The following EYA2 variants were observed in gnomAD, a reference collection of about 807,000 sequenced individuals.
EYA2 encodes the protein EYA transcriptional coactivator and phosphatase 2.
In EYA2, 31 loss-of-function variants were observed where a neutral mutation model predicts 69.2. The ratio of observed to expected loss-of-function variants is 0.45; its 90% CI spans 0.34 to 0.60. The LOEUF (loss-of-function observed/expected upper bound fraction) is 0.60. Among genes scored for constraint, EYA2 ranks in the 20% least tolerant of loss-of-function variants. The pLI is 0.02. For missense variants in EYA2, 622 were observed against 701.2 expected, an observed-to-expected ratio of 0.89 and a Z score of 1.28; for synonymous variants, 257 against 279.4, an observed-to-expected ratio of 0.92 and a Z score of 0.80.
chr20:47,165,984 A>T (rs3092005), intron 10 of EYA2, among the ~76,000 whole-genome samples: 1 of 151,808 alleles, frequency 6.6e-6, no homozygotes, highest in African/African-American at 2.4e-5. Flanking sequence ...GAGCCCAGAA[A>T]TTCAAGACCA....
Position 47,065,273 on chromosome 20 carries a change from A to G in EYA2, c.416-6912A>G, listed in dbSNP as rs73309612. ...GCCACCTCCAGGCACCATATTACCC[A>G]GTGCTTCTCATTCTCACTGTCATGA... On this transcript the variant is annotated intron_variant, in intron 5 of 15. Coordinates refer to ENST00000327619, the MANE Select transcript of EYA2 (RefSeq NM_005244.5). Among the ~76,000 whole-genome samples, 978 of 152,310 alleles carry G rather than the reference A, an allele frequency of 6.4e-3. 12 individuals are homozygous for G. Among genetic ancestry groups the G allele is most frequent in the African/African-American group, 0.022 (897 of 41,558 alleles).
intron 8 of EYA2, among the ~76,000 whole-genome samples, chr20:47,095,420 A>C (rs2032219410): frequency 6.6e-6 from 1 of 152,100 alleles, no homozygotes; most frequent in Non-Finnish European, 1.5e-5. Flanking sequence ...AAAATTATTA[A>C]AAGAAATAAG....
At chr20:47,163,431 G>A (rs2034111956) in intron 10 of EYA2, among the ~76,000 whole-genome samples, 1 of 152,122 alleles carries the variant, frequency 6.6e-6, no homozygotes, top group Admixed American at 6.6e-5. Context: ...TTGGGACGTG[G>A]CTCACGCCTG....
At chr20:47,063,392 CGTGTGTGTGTGTGTGTGTGT>C (rs35187186) in intron 5 of EYA2, among the ~76,000 whole-genome samples, 1 of 143,372 alleles carries the variant, frequency 7.0e-6, no homozygotes, top group Non-Finnish European at 1.5e-5. Flanking sequence ...TGTGCGTGTG[CGTGTGTGTGTGTGTGTGTGT>C]GTGTGTGTGT....
chr20:47,058,014 G>A (rs2030715902), intron 5 of EYA2, among the ~76,000 whole-genome samples: 1 of 152,224 alleles, frequency 6.6e-6, no homozygotes, highest in African/African-American at 2.4e-5. Flanking sequence ...AATAAATGGA[G>A]GCTATTATTA....
At chr20:47,143,180 C>T (rs1312530063) in intron 10 of EYA2, 32 bp downstream of exon 10, 3 of 1,567,216 alleles carry the variant, frequency 1.9e-6, no homozygotes, top group African/African-American at 1.4e-5. Flanking sequence ...TTAATATTTG[C>T]CATGTTTAAT....
At chr20:47,039,131 ACGCG>A (rs1342485575) in intron 5 of EYA2, among the ~76,000 whole-genome samples, 1 of 98,516 alleles carries the variant, frequency 1.0e-5, no homozygotes, top group Admixed American at 1.0e-4. Flanking sequence ...ACACACACAC[ACGCG>A]CGCACAATTC....
intron 9 of EYA2, among the ~76,000 whole-genome samples, chr20:47,129,756 A>G (rs2033290141): frequency 6.6e-6 from 1 of 152,172 alleles, no homozygotes; most frequent in Non-Finnish European, 1.5e-5. Context: ...TCTCTTGGTG[A>G]TGGACTGAAG....
intron 9 of EYA2, among the ~76,000 whole-genome samples, chr20:47,110,730 TAAAC>T (rs1051436759): frequency 3.3e-5 from 5 of 152,176 alleles, no homozygotes; most frequent in South Asian, 2.1e-4. Context: ...AATAAACAAA[TAAAC>T]AAAGGGCTGC....
chr20:47,181,688 C>G (rs1600778128), intron 14 of EYA2, among the ~76,000 whole-genome samples: 3 of 150,670 alleles, frequency 2.0e-5, no homozygotes, highest in South Asian at 4.2e-4. Context: ...TAATTAGAAA[C>G]CTTTTCCATT....
chr20:47,088,431 A>G (rs887769275), intron 7 of EYA2, among the ~76,000 whole-genome samples: 6 of 152,066 alleles, frequency 3.9e-5, no homozygotes, highest in African/African-American at 1.4e-4. Context: ...CATGCTCAGG[A>G]TTTCAGATTG....
intron 1 of EYA2, among the ~76,000 whole-genome samples, chr20:46,947,056 G>A (rs562662882): frequency 5.3e-5 from 8 of 152,178 alleles, no homozygotes; most frequent in African/African-American, 1.2e-4. Flanking sequence ...GAGAAGTGGC[G>A]TCAGAGACCT....
chr20:46,977,071 T>A (rs1980507019), intron 1 of EYA2, among the ~76,000 whole-genome samples: 1 of 152,104 alleles, frequency 6.6e-6, no homozygotes, highest in South Asian at 2.1e-4. Context: ...ATTATTAGAG[T>A]GAAAAAACAT....
At chr20:47,053,792 T>A (rs1013063088) in intron 5 of EYA2, among the ~76,000 whole-genome samples, 3 of 149,586 alleles carry the variant, frequency 2.0e-5, no homozygotes, top group Admixed American at 6.6e-5. Flanking sequence ...GTCTCAAGGG[T>A]GGGGGTGATA....
intron 7 of EYA2, among the ~76,000 whole-genome samples, chr20:47,076,209 A>G (rs1336727041): frequency 6.6e-6 from 1 of 152,214 alleles, no homozygotes; most frequent in Non-Finnish European, 1.5e-5. Context: ...TCCTTTGGAT[A>G]TATACCCAGT....
intron 5 of EYA2, among the ~76,000 whole-genome samples, chr20:47,022,896 CAGTTT>C (rs1983841136): frequency 6.6e-6 from 1 of 151,918 alleles, no homozygotes; most frequent in Admixed American, 6.6e-5. Flanking sequence ...TTAAAGTGTT[CAGTTT>C]AGTGTTTTTA....
chr20:47,001,961 T>C (rs917244322), intron 3 of EYA2, among the ~76,000 whole-genome samples: 3 of 151,602 alleles, frequency 2.0e-5, no homozygotes, highest in African/African-American at 7.3e-5. Context: ...AGACAGAGTC[T>C]TGCTCTGTCA....
chr20:47,073,909 A>G (rs981965853), intron 6 of EYA2, among the ~76,000 whole-genome samples: 4 of 152,070 alleles, frequency 2.6e-5, no homozygotes, highest in African/African-American at 9.7e-5. Context: ...AGAAGCACCT[A>G]TGCAGGCTGC....
rs912199079 is a variant in EYA2, at chr20:47,108,933, G to A, written c.888+11765G>A. ...AAAGTGGCCAGGTTGGAATCCTGGC[G>A]ATGGGTGAGGAGGCTACTGCACCAG... On this transcript the variant is annotated intron_variant, in intron 9 of 15. Coordinates refer to ENST00000327619, the MANE Select transcript of EYA2 (RefSeq NM_005244.5). 5.3e-5 allele frequency among the ~76,000 whole-genome samples: 8 copies of A among 152,178 alleles called. No homozygotes were observed. The South Asian group carries it at 6.2e-4, about 12-fold the overall frequency.
Sources: allele counts gnomAD v4.1 joint callset (sites outside exome capture counted in the v4.1 genomes callset), GRCh38; gene constraint gnomAD v4.1.1; transcripts MANE v1.5; gene names NCBI Gene and HGNC (gene_info 2026-07-23, HGNC 2026-07-21).